HECW1: variants seen among roughly 807,000 people sequenced by gnomAD.
The protein encoded by HECW1 is E3 ubiquitin-protein ligase HECW1.
A neutral mutation model predicts 182.3 loss-of-function variants in HECW1; 61 were observed. That is an observed-to-expected ratio of 0.33 (90% CI 0.27 to 0.41). The LOEUF (loss-of-function observed/expected upper bound fraction) is 0.41, where lower values mean the gene tolerates loss of function less well. HECW1 is among the 10% of genes least tolerant of loss of function. HECW1 has a pLI of 1.00. For synonymous variants in HECW1, 859 were observed against 832.6 expected (o/e 1.03, Z -0.55); for missense variants, 1,739 against 2,108.9 (o/e 0.82, Z 3.44).
At chr7:43,484,762 T>A (rs1301773864) in intron 17 of HECW1, 1 of 152,198 alleles carries the variant, frequency 6.6e-6, no homozygotes, top group East Asian at 1.9e-4. Flanking sequence ...AATATAGGAT[T>A]TATACATAAA....
chr7:43,136,699 G>T (rs1023554552), intron 2 of HECW1, among the ~76,000 whole-genome samples: 1 of 152,162 alleles, frequency 6.6e-6, no homozygotes, highest in Non-Finnish European at 1.5e-5. Flanking sequence ...ACAGATCACA[G>T]TTTTGCAATC....
chr7:43,336,144 TTCTCTCTCTCTCTCTCTC>T lies in HECW1; in HGVS notation c.460+15440_460+15457del, dbSNP rs768468130. Among the ~76,000 whole-genome samples, 254 of 51,916 alleles carry T rather than the reference TTCTCTCTCTCTCTCTCTC, an allele frequency of 4.9e-3. 1 individual carries two copies. Among genetic ancestry groups the T allele is most frequent in the African/African-American group, 0.015 (210 of 14,044 alleles). The allele number at this position is 51,916 out of a possible 152,430, so 34.1% of individuals were successfully genotyped here. On this transcript the variant is annotated intron_variant, in intron 5 of 29. Coordinates refer to ENST00000395891, the MANE Select transcript of HECW1 (RefSeq NM_015052.5). Reference sequence around the variant, plus strand: ...TTTCTTTCTCTCTCTCTCTCTCTCTTTCTCTCTCTCTCTCTCTCTCTCTCTCTCTCTCTCTCTCTCTCT... The same window carrying T: ...TTTCTTTCTCTCTCTCTCTCTCTCTTTCTCTCTCTCTCTCTCTCTCTCTCT...
At chr7:43,116,323 G>A (rs1404108466) in intron 2 of HECW1, among the ~76,000 whole-genome samples, 1 of 152,130 alleles carries the variant, frequency 6.6e-6, no homozygotes, top group Non-Finnish European at 1.5e-5. Context: ...AAGGAAACAT[G>A]GCCCAAGCAC....
intron 4 of HECW1, among the ~76,000 whole-genome samples, chr7:43,312,578 A>G (rs1808670748): frequency 6.6e-6 from 1 of 152,246 alleles, no homozygotes; most frequent in Non-Finnish European, 1.5e-5. Context: ...GTGTTGGAGA[A>G]AGTTGACTTG....
At chr7:43,462,966 T>A (rs907423141) in intron 13 of HECW1, among the ~76,000 whole-genome samples, 1 of 152,240 alleles carries the variant, frequency 6.6e-6, no homozygotes, top group Non-Finnish European at 1.5e-5. Context: ...TTCCCTTTTG[T>A]TACATCTCGA....
At chr7:43,560,483 T>C (rs146092901) in intron 29 of HECW1, among the ~76,000 whole-genome samples, 17 of 152,118 alleles carry the variant, frequency 1.1e-4, no homozygotes, top group African/African-American at 3.9e-4. Flanking sequence ...GGGTTAGGGA[T>C]AGTTCCCCAA....
At chr7:43,461,059 G>A (rs2077565745) in intron 13 of HECW1, among the ~76,000 whole-genome samples, 1 of 152,306 alleles carries the variant, frequency 6.6e-6, no homozygotes, top group African/African-American at 2.4e-5. Context: ...CCTATTCCAG[G>A]CATCTGTTGC....
At position 43,540,327 on chromosome 7, in the gene HECW1, A is replaced by G. The variant is rs1405519066; in HGVS notation, c.4020-836A>G. On this transcript the variant is annotated intron_variant, in intron 24 of 29. Transcript: ENST00000395891. ...AGTGGACACCAGGAAGACTCCAGTT[A>G]TGAAAGTAGGTGCCAGAGATAGGCA... 3.3e-5 allele frequency among the ~76,000 whole-genome samples: 5 copies of G among 152,188 alleles called. No individual in the cohort carries two copies. The East Asian group carries it at 9.6e-4, about 29-fold the overall frequency.
intron 9 of HECW1, chr7:43,439,522 A>AGGG (rs1224038535): frequency 6.5e-6 from 1 of 152,706 alleles, no homozygotes; most frequent in Non-Finnish European, 1.5e-5. Flanking sequence ...CACCTCTGCC[A>AGGG]GGGGGTGGGC....
chr7:43,195,588 G>A (rs1355501716), intron 2 of HECW1, among the ~76,000 whole-genome samples: 1 of 152,166 alleles, frequency 6.6e-6, no homozygotes, highest in African/African-American at 2.4e-5. Flanking sequence ...ATACTGGTGG[G>A]CTGGGGTCGG....
chr7:43,167,255 C>T (rs892310382), intron 2 of HECW1, among the ~76,000 whole-genome samples: 8 of 152,160 alleles, frequency 5.3e-5, no homozygotes, highest in Admixed American at 1.3e-4. Context: ...GGCCACATAA[C>T]TCCAGCCCTT....
At chr7:43,150,280 C>T (rs185492511) in intron 2 of HECW1, among the ~76,000 whole-genome samples, 154 of 152,318 alleles carry the variant, frequency 1.0e-3, no homozygotes, top group African/African-American at 2.5e-3. Context: ...CTTTTAGTTA[C>T]GCTGTCTATA....
intron 19 of HECW1, among the ~76,000 whole-genome samples, chr7:43,498,670 T>C (rs1407633956): frequency 7.9e-5 from 12 of 152,068 alleles, no homozygotes; most frequent in African/African-American, 2.9e-4. Flanking sequence ...TGCTGCTCCC[T>C]TTTTCAACCC....
chr7:43,422,394 G>T (rs1390483442), intron 8 of HECW1, among the ~76,000 whole-genome samples: 4 of 139,998 alleles, frequency 2.9e-5, no homozygotes, highest in African/African-American at 5.4e-5. Flanking sequence ...GAGGAGTCTC[G>T]CTCTGTCACC....
intron 3 of HECW1, among the ~76,000 whole-genome samples, chr7:43,246,575 C>T (rs965488870): frequency 3.9e-5 from 6 of 152,242 alleles, no homozygotes; most frequent in Admixed American, 1.3e-4. Context: ...CTAGACCTGA[C>T]GGGAACTAAG....
rs1212594041 is a variant in HECW1 at position 43,450,832 on chromosome 7, A to T, written c.2403A>T (p.Glu801Asp). The T allele has an allele frequency of 6.3e-7, 1 of 1,597,618 alleles. No individual in the cohort carries two copies. Among genetic ancestry groups the T allele is most frequent in the Non-Finnish European group, 8.6e-7 (1 of 1,165,066 alleles). The change falls in exon 12 of 30, where the codon GAA (glutamate) becomes GAT (aspartate). Residue 801 changes from glutamate to aspartate, a missense_variant. Glu to Asp is a conservative substitution (Grantham distance 45, BLOSUM62 2). This residue lies in a region of HECW1 where 971 missense variants were observed against 1,029.1 expected (regional missense o/e 0.94). Transcript: ENST00000395891. ...VAGPSNRREGECPILHNSQPV... is the reference protein window; with the variant it reads ...VAGPSNRREGDCPILHNSQPV... ...TATTGACTATCTTGTCCGTAGGTGA[A>T]TGTCCTATACTCCATAATTCCCAGC...
chr7:43,448,366 A>G (rs971277871), intron 11 of HECW1, among the ~76,000 whole-genome samples: 1 of 152,244 alleles, frequency 6.6e-6, no homozygotes, highest in Non-Finnish European at 1.5e-5. Context: ...GACCTTCTGC[A>G]GATAAATGAA....
In HECW1 at chr7:43,432,382, G is replaced by A. The variant is rs1038435699; in HGVS notation, c.802-5621G>A. Among the ~76,000 whole-genome samples, 19 of 150,586 alleles carry A rather than the reference G, an allele frequency of 1.3e-4. No homozygotes were observed. The East Asian group carries it at 2.2e-3, about 17-fold the overall frequency. ...TCTCGATCTCCTGACCTCGTGATCC[G>A]CCCGCCTCGGCCTCCCAAAGTGCTG... On this transcript the variant is annotated intron_variant, in intron 8 of 29. Transcript: ENST00000395891. The surrounding 1 kb of genome is among the most constrained non-coding windows in gnomAD (Gnocchi z 4.1).
At chr7:43,331,340 C>T (rs1811458670) in intron 5 of HECW1, among the ~76,000 whole-genome samples, 1 of 152,096 alleles carries the variant, frequency 6.6e-6, no homozygotes, top group Non-Finnish European at 1.5e-5. Flanking sequence ...CCTGTAATCC[C>T]AGCACTTTGG....
Sources: allele counts gnomAD v4.1 joint callset (sites outside exome capture counted in the v4.1 genomes callset), GRCh38; gene constraint gnomAD v4.1.1; regional missense constraint gnomAD v4.1.1; non-coding constraint Gnocchi (gnomAD v3.1); transcripts MANE v1.5; gene names NCBI Gene and HGNC (gene_info 2026-07-23, HGNC 2026-07-21).